The following TBC1D9 variants were observed in gnomAD, a reference collection of about 807,000 sequenced individuals.
TBC1D9 encodes TBC1 domain family member 9A.
A neutral mutation model predicts 132.0 loss-of-function variants in TBC1D9; 63 were observed. That is an observed-to-expected ratio of 0.48 (90% confidence interval 0.39 to 0.59). The LOEUF is 0.59. Among genes scored for constraint, TBC1D9 ranks in the 20% least tolerant of loss-of-function variants. The pLI is 0.00. For synonymous variants in TBC1D9, 610 were observed against 609.9 expected (o/e 1.00, Z 0.00); for missense variants, 1,261 against 1,592.7 (o/e 0.79, Z 3.54).
chr4:140,730,994 G>A (rs1302183103), intron 1 of TBC1D9, among the ~76,000 whole-genome samples: 1 of 152,192 alleles, frequency 6.6e-6, no homozygotes, highest in Non-Finnish European at 1.5e-5. Flanking sequence ...GTTAAATGAT[G>A]CTCGTCCTTT....
intron 1 of TBC1D9, among the ~76,000 whole-genome samples, chr4:140,738,264 T>C (rs1335860905): frequency 6.6e-6 from 1 of 152,234 alleles, no homozygotes. Flanking sequence ...ACTGCCTTCC[T>C]TTTGTTCCCA....
chr4:140,754,681 T>G (rs1394770772), intron 1 of TBC1D9, among the ~76,000 whole-genome samples: 2 of 134,850 alleles, frequency 1.5e-5, no homozygotes, highest in African/African-American at 5.6e-5. Context: ...GATATGTAAA[T>G]TACATATTAA....
At chr4:140,683,662 A>G (rs1224481995) in intron 3 of TBC1D9, among the ~76,000 whole-genome samples, 2 of 152,254 alleles carry the variant, frequency 1.3e-5, no homozygotes, top group East Asian at 3.8e-4. Flanking sequence ...ATTCAACCCC[A>G]TAATAACCAA....
chr4:140,659,498 GTGAC>G (rs1428692814), intron 11 of TBC1D9, 86 bp downstream of exon 11: 1 of 856,692 alleles, frequency 1.2e-6, no homozygotes, highest in East Asian at 2.7e-5. Context: ...TTGGCTTATG[GTGAC>G]CAGAAATAGT....
chr4:140,673,067 G>T (rs1482758191), intron 6 of TBC1D9, among the ~76,000 whole-genome samples: 1 of 151,910 alleles, frequency 6.6e-6, no homozygotes, highest in Non-Finnish European at 1.5e-5. Flanking sequence ...GGCTGAGGCA[G>T]GACAATCACT....
intron 1 of TBC1D9, among the ~76,000 whole-genome samples, chr4:140,748,824 GA>G (rs1738879114): frequency 6.6e-6 from 1 of 152,146 alleles, no homozygotes; most frequent in Admixed American, 6.5e-5. Context: ...TCTGGCAGTG[GA>G]AAACGGATTC....
intron 3 of TBC1D9, among the ~76,000 whole-genome samples, chr4:140,681,255 C>G (rs920119130): frequency 1.3e-5 from 2 of 152,196 alleles, no homozygotes; most frequent in Non-Finnish European, 2.9e-5. Flanking sequence ...TCAGACTGTT[C>G]TGTTTCGTGA....
At chr4:140,696,173 GCGGGC>G (rs1257587661) in intron 2 of TBC1D9, among the ~76,000 whole-genome samples, 71 of 131,754 alleles carry the variant, frequency 5.4e-4, no homozygotes, top group Non-Finnish European at 1.0e-3. Flanking sequence ...TAAAAAAGAG[GCGGGC>G]CAGGCGTGAT....
chr4:140,626,775 C>T (rs537332687), intron 18 of TBC1D9, among the ~76,000 whole-genome samples: 6 of 152,122 alleles, frequency 3.9e-5, no homozygotes, highest in African/African-American at 1.4e-4. Flanking sequence ...TGTAAAGGAC[C>T]AGACAATGAA....
intron 13 of TBC1D9, among the ~76,000 whole-genome samples, chr4:140,641,115 CAG>C (rs1342793609): frequency 1.5e-3 from 109 of 73,770 alleles, no homozygotes; most frequent in Non-Finnish European, 2.6e-3. Context: ...CAAAAAAAAA[CAG>C]AAGCAAAAGA....
chr4:140,638,103 G>A (rs930246355), intron 15 of TBC1D9, among the ~76,000 whole-genome samples: 10 of 152,162 alleles, frequency 6.6e-5, no homozygotes, highest in African/African-American at 2.4e-4. Flanking sequence ...TTTTCTGACT[G>A]TAAGACGTAG....
chr4:140,659,498 G>A (rs911562716), intron 11 of TBC1D9, 90 bp downstream of exon 11: 5 of 856,694 alleles, frequency 5.8e-6, no homozygotes, highest in South Asian at 2.0e-5. Flanking sequence ...TTGGCTTATG[G>A]TGACCAGAAA....
intron 1 of TBC1D9, among the ~76,000 whole-genome samples, chr4:140,711,923 TTC>T (rs2111048916): frequency 6.6e-6 from 1 of 152,346 alleles, no homozygotes; most frequent in African/African-American, 2.4e-5. Context: ...TTTTATGGTC[TTC>T]TGTGTTTTCA....
Position 140,706,591 on chromosome 4 carries a change from C to T in TBC1D9, c.131-4977G>A, listed in dbSNP as rs1738155004. Among the ~76,000 whole-genome samples, 1 of 152,130 alleles carries T rather than the reference C, an allele frequency of 6.6e-6. No individual in the cohort carries two copies. The highest frequency in any genetic ancestry group is 2.1e-4 in the South Asian group (1 of 4,816). On this transcript the variant is annotated intron_variant, in intron 1 of 20. Transcript: ENST00000442267. The surrounding 1 kb of genome is among the most constrained non-coding windows in gnomAD (Gnocchi z 4.0). ...TAACAGAAAGAAAAGGTAACAGCCA[C>T]AGTGAGGTTCCCTTTGCACTCCTTT...
chr4:140,718,496 C>T (rs1484715167), intron 1 of TBC1D9, among the ~76,000 whole-genome samples: 2 of 152,148 alleles, frequency 1.3e-5, no homozygotes, highest in African/African-American at 2.4e-5. Context: ...GGGCCTCATA[C>T]CTCCTTAGCT....
chr4:140,708,323 A>C (rs1481738611), intron 1 of TBC1D9, among the ~76,000 whole-genome samples: 1 of 152,244 alleles, frequency 6.6e-6, no homozygotes, highest in African/African-American at 2.4e-5. Flanking sequence ...AACCAAACTC[A>C]TATCTGAAAC....
At chr4:140,654,867 T>C (rs1382755655) in intron 13 of TBC1D9, among the ~76,000 whole-genome samples, 2 of 152,160 alleles carry the variant, frequency 1.3e-5, no homozygotes, top group African/African-American at 4.8e-5. Flanking sequence ...TCTAGGATTC[T>C]AAGACAATAA....
intron 13 of TBC1D9, chr4:140,644,233 C>CAGCCTGGAGAGTACAGGG: frequency 3.1e-6 from 1 of 322,836 alleles, no homozygotes. Context: ...CTGGGGGCTT[C>CAGCCTGGAGAGTACAGGG]CTTATCCAAC....
chr4:140,676,919 C>T lies in TBC1D9; in HGVS notation c.1034G>A (p.Cys345Tyr), dbSNP rs769316112. The change falls in exon 6 of 21, where the codon TGT becomes TAT. Residue 345 changes from cysteine (C) to tyrosine (Y), a missense_variant. Cys to Tyr is a radical substitution (Grantham distance 194). Transcript: ENST00000442267. The stretch of plus-strand genomic sequence containing the variant: ...CTCACGGAGCGGGATAATGAGGCTA[C>T]ATAAGTTCTCCTCCTTGCTGGTAAA... ...ICFTSKEENL[C>Y]SLIIPLREVT... The T allele has an allele frequency of 1.2e-6, 2 of 1,613,946 alleles. No homozygotes were observed. Among genetic ancestry groups the T allele is most frequent in the South Asian group, 2.2e-5 (2 of 91,080 alleles).
Sources: gnomAD v4.1 joint callset for allele counts (sites outside exome capture counted in the v4.1 genomes callset) on GRCh38, gnomAD v4.1.1 for gene constraint, Gnocchi (gnomAD v3.1) non-coding constraint, MANE v1.5 for transcripts, NCBI Gene and HGNC (gene_info 2026-07-23, HGNC 2026-07-21) for gene names.